The following ATP9B variants were observed in gnomAD, a reference collection of about 807,000 sequenced individuals.
The protein encoded by ATP9B is ATPase phospholipid transporting 9B, also known as probable phospholipid-transporting ATPase IIB.
A neutral mutation model predicts 146.1 loss-of-function variants in ATP9B; 110 were observed. The observed-to-expected ratio is 0.75, with a 90% CI of 0.65 to 0.88. ATP9B has a LOEUF of 0.88. ATP9B is among the 40% of genes least tolerant of loss of function. The pLI is 0.00. For synonymous variants in ATP9B, 604 were observed against 569.7 expected, an observed-to-expected ratio of 1.06 and a Z score of -0.86; for missense variants, 1,499 against 1,496.4, an observed-to-expected ratio of 1.00 and a Z score of -0.03.
At chr18:79,315,308 T>C (rs1324613958) in intron 15 of ATP9B, among the ~76,000 whole-genome samples, 1 of 152,192 alleles carries the variant, frequency 6.6e-6, no homozygotes, top group Non-Finnish European at 1.5e-5. Flanking sequence ...TCAGATATAT[T>C]TGTGAGGAGC....
intron 26 of ATP9B, chr18:79,361,358 T>G (rs1000254032): frequency 5.3e-5 from 8 of 152,204 alleles, no homozygotes; most frequent in African/African-American, 1.9e-4. Flanking sequence ...TATCCGTAAC[T>G]GTGGCCATGG....
intron 7 of ATP9B, among the ~76,000 whole-genome samples, chr18:79,157,360 C>T (rs902130485): frequency 8.1e-6 from 1 of 124,140 alleles, no homozygotes; most frequent in Non-Finnish European, 1.6e-5. Context: ...TGTGCTAATG[C>T]ACTCCAGGCT....
chr18:79,124,555 C>T (rs2094248682), intron 4 of ATP9B, among the ~76,000 whole-genome samples: 1 of 152,212 alleles, frequency 6.6e-6, no homozygotes, highest in African/African-American at 2.4e-5. Context: ...CTTTAGGATA[C>T]TTCTCAAAAC....
At chr18:79,235,775 T>G (rs62101139) in intron 11 of ATP9B, among the ~76,000 whole-genome samples, 5 of 151,274 alleles carry the variant, frequency 3.3e-5, no homozygotes, top group Non-Finnish European at 5.9e-5. Context: ...GACCACCGTC[T>G]TCTTATCTAG....
chr18:79,337,297 A>G lies in ATP9B; in HGVS notation c.2131A>G (p.Lys711Glu), dbSNP rs757993891. 2.5e-6 allele frequency: 4 copies of G among 1,613,986 alleles called. No homozygotes were observed. Among genetic ancestry groups the G allele is most frequent in the Non-Finnish European group, 3.4e-6 (4 of 1,179,982 alleles). Residue 711 changes from lysine (K) to glutamate (E), a missense_variant, in exon 19 of 30, where the codon AAG becomes GAG. Transcript: ENST00000426216. ...TCCCCAGAGCCGATACACTCAAGCC[A>G]AGCTGAGCATGCACGACAGGTCCCT... ...QDFESRYTQA[K>E]LSMHDRSLKV...
intron 6 of ATP9B, among the ~76,000 whole-genome samples, chr18:79,147,401 AG>A (rs2094609254): frequency 6.6e-6 from 1 of 152,220 alleles, no homozygotes; most frequent in African/African-American, 2.4e-5. Context: ...ATTTATTTCA[AG>A]TGTCTATAGA....
At chr18:79,302,142 A>G (rs1242248952) in intron 13 of ATP9B, among the ~76,000 whole-genome samples, 1 of 152,224 alleles carries the variant, frequency 6.6e-6, no homozygotes, top group African/African-American at 2.4e-5. Flanking sequence ...ATTGGGTTTT[A>G]TGGTTTTATT....
At chr18:79,130,921 G>A (rs896548264) in intron 5 of ATP9B, among the ~76,000 whole-genome samples, 3 of 152,214 alleles carry the variant, frequency 2.0e-5, no homozygotes, top group African/African-American at 7.2e-5. Flanking sequence ...AGCACTTTGG[G>A]AGGCCGAGGC....
At chr18:79,188,889 ATT>A (rs5826625) in intron 8 of ATP9B, among the ~76,000 whole-genome samples, 218 of 143,942 alleles carry the variant, frequency 1.5e-3, no homozygotes, top group African/African-American at 2.4e-3. Flanking sequence ...GCTTTTTAGC[ATT>A]TTTTTTTTTT....
At chr18:79,073,318 C>T (rs2146390910) in intron 1 of ATP9B, among the ~76,000 whole-genome samples, 1 of 152,298 alleles carries the variant, frequency 6.6e-6, no homozygotes, top group Middle Eastern at 3.4e-3. Context: ...GATCACCCCA[C>T]TGCACTCCAG....
intron 26 of ATP9B, among the ~76,000 whole-genome samples, chr18:79,366,559 G>A (rs1215051917): frequency 2.6e-5 from 4 of 152,240 alleles, no homozygotes; most frequent in African/African-American, 9.6e-5. Context: ...TGAAGGGCTG[G>A]ATTGAAGCCC....
intron 6 of ATP9B, chr18:79,144,777 T>C (rs2094557693): frequency 2.0e-5 from 3 of 151,716 alleles, no homozygotes; most frequent in Admixed American, 2.0e-4. Flanking sequence ...CTCTCAATGC[T>C]TGGTTGAATC....
intron 11 of ATP9B, among the ~76,000 whole-genome samples, chr18:79,233,021 G>T (rs1311235720): frequency 6.6e-6 from 1 of 152,192 alleles, no homozygotes; most frequent in Non-Finnish European, 1.5e-5. Context: ...GCCGGGCACG[G>T]TGGCTCACGC....
chr18:79,317,509 A>G (rs1045212014), intron 15 of ATP9B, among the ~76,000 whole-genome samples: 1 of 152,224 alleles, frequency 6.6e-6, no homozygotes, highest in African/African-American at 2.4e-5. Context: ...CTACATCACC[A>G]AAAGAGATAT....
chr18:79,327,325 C>T (rs1407792480), intron 15 of ATP9B, among the ~76,000 whole-genome samples: 1 of 152,192 alleles, frequency 6.6e-6, no homozygotes, highest in Non-Finnish European at 1.5e-5. Flanking sequence ...TGAGGGGCTT[C>T]AGCACTGTGG....
chr18:79,255,539 G>T (rs1384838286), intron 12 of ATP9B, among the ~76,000 whole-genome samples: 2 of 152,208 alleles, frequency 1.3e-5, no homozygotes, highest in African/African-American at 4.8e-5. Context: ...GCCATCAAGT[G>T]AAGGAGGAGA....
intron 13 of ATP9B, among the ~76,000 whole-genome samples, chr18:79,302,693 G>A (rs2096598951): frequency 1.3e-5 from 2 of 152,128 alleles, no homozygotes; most frequent in Non-Finnish European, 2.9e-5. Context: ...AGGCATTAGG[G>A]AAGCACATTC....
chr18:79,190,606 C>T (rs1251501146), intron 8 of ATP9B, among the ~76,000 whole-genome samples: 2 of 151,978 alleles, frequency 1.3e-5, no homozygotes, highest in Non-Finnish European at 1.5e-5. Flanking sequence ...TGCAGTGGTG[C>T]GATCTCGGCT....
At chr18:79,373,103 T>C (rs962430043) in intron 27 of ATP9B, among the ~76,000 whole-genome samples, 1 of 152,084 alleles carries the variant, frequency 6.6e-6, no homozygotes, top group Non-Finnish European at 1.5e-5. Context: ...TAGTTTTTAA[T>C]TAAATGTTAA....
Sources: gnomAD v4.1 joint callset for allele counts (sites outside exome capture counted in the v4.1 genomes callset) on GRCh38, gnomAD v4.1.1 for gene constraint, MANE v1.5 for transcripts, NCBI Gene and HGNC (gene_info 2026-07-23, HGNC 2026-07-21) for gene names.